The following CDK8 variants were observed in gnomAD, a reference collection of about 807,000 sequenced individuals.
CDK8 encodes cyclin dependent kinase 8.
CDK8 carries 29 observed loss-of-function variants against 71.5 expected under a neutral mutation model. That is an observed-to-expected ratio of 0.41 (90% CI 0.30 to 0.55). The LOEUF (loss-of-function observed/expected upper bound fraction) is 0.55, where lower values mean the gene tolerates loss of function less well. Ranked by LOEUF, CDK8 falls within the 20% of genes least tolerant of loss-of-function variation. The pLI is 0.37. For missense variants in CDK8, 288 were observed against 572.6 expected (o/e 0.50, Z 5.07); for synonymous variants, 161 against 192.1 (o/e 0.84, Z 1.34).
chr13:26,397,278 G>T, intron 9 of CDK8, 53 bp downstream of exon 9: 1 of 1,126,886 alleles, frequency 8.9e-7, no homozygotes, highest in South Asian at 1.3e-5. Context: ...TAATTGACTA[G>T]CCCAACTGAG....
At chr13:26,311,125 G>A (rs929970337) in intron 1 of CDK8, among the ~76,000 whole-genome samples, 1 of 150,776 alleles carries the variant, frequency 6.6e-6, no homozygotes, top group Admixed American at 6.6e-5. Context: ...CTTGAAAATG[G>A]TAGCTGTGCA....
At chr13:26,294,100 C>G (rs1382403226) in intron 1 of CDK8, among the ~76,000 whole-genome samples, 1 of 150,930 alleles carries the variant, frequency 6.6e-6, no homozygotes, top group East Asian at 2.0e-4. Flanking sequence ...ACCAGATTTC[C>G]TTGTTTTTAA....
Position 26,401,580 on chromosome 13 carries a change from C to G in CDK8, c.1225C>G (p.Pro409Ala). 6.2e-7 allele frequency: 1 copy of G among 1,614,168 alleles called. No individual in the cohort carries two copies. The highest frequency in any genetic ancestry group is 8.5e-7 in the Non-Finnish European group (1 of 1,180,012). ...PPLKKVRVVP[P>A]TTTSGGLIMT... is the part of the protein sequence containing the mutation. ...GTTGAAGAAAGTGAGAGTTGTTCCTCCTACCACTACCTCAGGTGGACTTAT... is the reference window on the plus strand; with the variant it reads ...GTTGAAGAAAGTGAGAGTTGTTCCTGCTACCACTACCTCAGGTGGACTTAT... Residue 409 changes from proline to alanine, a missense_variant, in exon 12 of 13, where the codon CCT (proline) becomes GCT (alanine). Coordinates refer to ENST00000381527, the MANE Select transcript of CDK8 (RefSeq NM_001260.3). The surrounding 1 kb of genome is among the most constrained non-coding windows in gnomAD (Gnocchi z 4.5).
intron 4 of CDK8, among the ~76,000 whole-genome samples, chr13:26,357,756 A>G (rs1873956202): frequency 6.6e-6 from 1 of 152,204 alleles, no homozygotes; most frequent in Admixed American, 6.5e-5. Context: ...CCCAGGAAAA[A>G]GTTTTAGCTC....
chr13:26,299,623 A>G (rs1013713387), intron 1 of CDK8, among the ~76,000 whole-genome samples: 2 of 152,222 alleles, frequency 1.3e-5, no homozygotes, highest in African/African-American at 4.8e-5. Context: ...ATCTTGGCAT[A>G]TCTTGCCTCT....
intron 3 of CDK8, among the ~76,000 whole-genome samples, chr13:26,353,089 A>G (rs1040530470): frequency 3.3e-5 from 5 of 152,232 alleles, no homozygotes; most frequent in African/African-American, 1.2e-4. Flanking sequence ...AAACTTTTCA[A>G]GAAAAAACTT....
chr13:26,399,914 T>G lies in CDK8; in HGVS notation c.934-539T>G, dbSNP rs187107921. On this transcript the variant is annotated intron_variant, in intron 9 of 12. Transcript: ENST00000381527. ...CTTTGTAAGTTGTGTATCACCATTT[T>G]TATTTAGACTAGAACAGCACTGCAC... Among the ~76,000 whole-genome samples, 31 of 152,382 alleles carry G rather than the reference T, an allele frequency of 2.0e-4. No individual in the cohort carries two copies. In the East Asian group the frequency reaches 4.8e-3, roughly 24 times the overall value.
chr13:26,274,332 T>G (rs552816674), intron 1 of CDK8, among the ~76,000 whole-genome samples: 151 of 152,296 alleles, frequency 9.9e-4, no homozygotes, highest in Non-Finnish European at 2.0e-3. Flanking sequence ...TTATTTACAT[T>G]TGTTTAACAT....
intron 1 of CDK8, among the ~76,000 whole-genome samples, chr13:26,281,147 A>G (rs971190848): frequency 2.0e-5 from 3 of 152,240 alleles, no homozygotes; most frequent in Non-Finnish European, 4.4e-5. Flanking sequence ...GAGTCTCTCC[A>G]TGTGACAACA....
chr13:26,282,782 A>G (rs1481082659), intron 1 of CDK8, among the ~76,000 whole-genome samples: 1 of 152,252 alleles, frequency 6.6e-6, no homozygotes, highest in Admixed American at 6.5e-5. Flanking sequence ...CAGAATGGAT[A>G]CAAGTCCACC....
At chr13:26,300,999 T>C (rs1301168677) in intron 1 of CDK8, among the ~76,000 whole-genome samples, 1 of 152,160 alleles carries the variant, frequency 6.6e-6, no homozygotes, top group Non-Finnish European at 1.5e-5. Context: ...GGTGATTTTG[T>C]TTTTTGTTTT....
chr13:26,320,534 C>T (rs1358489081), intron 1 of CDK8, among the ~76,000 whole-genome samples: 1 of 152,124 alleles, frequency 6.6e-6, no homozygotes, highest in Non-Finnish European at 1.5e-5. Context: ...AATTGAACTT[C>T]ATGAAAATTT....
intron 1 of CDK8, among the ~76,000 whole-genome samples, chr13:26,280,529 A>G (rs953740871): frequency 1.3e-5 from 2 of 152,210 alleles, no homozygotes; most frequent in Non-Finnish European, 2.9e-5. Context: ...ACAGTGATAT[A>G]GTGGTACCAC....
chr13:26,306,190 C>G (rs991789168), intron 1 of CDK8, among the ~76,000 whole-genome samples: 1 of 152,136 alleles, frequency 6.6e-6, no homozygotes, highest in Non-Finnish European at 1.5e-5. Flanking sequence ...TAGAGGACTG[C>G]TCTTCAGGGT....
At chr13:26,376,266 A>G (rs981994242) in intron 4 of CDK8, among the ~76,000 whole-genome samples, 4 of 151,990 alleles carry the variant, frequency 2.6e-5, no homozygotes, top group African/African-American at 9.7e-5. Flanking sequence ...TTTGAAAGCT[A>G]AAAGTTTTCG....
chr13:26,290,024 A>ATAT (rs747698860), intron 1 of CDK8, among the ~76,000 whole-genome samples: 212 of 152,376 alleles, frequency 1.4e-3, no homozygotes, highest in Non-Finnish European at 2.4e-3. Context: ...TTGATGTAAA[A>ATAT]ATAACATTAT....
At chr13:26,340,497 G>T (rs776534436) in intron 2 of CDK8, among the ~76,000 whole-genome samples, 37 of 151,938 alleles carry the variant, frequency 2.4e-4, no homozygotes, top group Non-Finnish European at 3.5e-4. Flanking sequence ...GTACGTAGGG[G>T]TTTTTTTTAA....
chr13:26,305,679 A>G (rs1410465569), intron 1 of CDK8, among the ~76,000 whole-genome samples: 2 of 151,982 alleles, frequency 1.3e-5, no homozygotes, highest in African/African-American at 2.4e-5. Flanking sequence ...ATTTTCCTCT[A>G]GTATCTCTTC....
At chr13:26,311,222 T>C (rs997195810) in intron 1 of CDK8, among the ~76,000 whole-genome samples, 2 of 152,178 alleles carry the variant, frequency 1.3e-5, no homozygotes, top group African/African-American at 2.4e-5. Flanking sequence ...CATCCTGCCT[T>C]CTTTCACCTT....
Sources: allele counts gnomAD v4.1 joint callset (sites outside exome capture counted in the v4.1 genomes callset), GRCh38; gene constraint gnomAD v4.1.1; non-coding constraint Gnocchi (gnomAD v3.1); transcripts MANE v1.5; gene names NCBI Gene and HGNC (gene_info 2026-07-23, HGNC 2026-07-21).